The following ZNF440 variants were observed in gnomAD, a reference collection of about 807,000 sequenced individuals.
ZNF440 encodes the protein zinc finger protein 440.
In ZNF440, 47 loss-of-function variants were observed where a neutral mutation model predicts 49.7. That is an observed-to-expected ratio of 0.95 (90% CI 0.75 to 1.21). The LOEUF is 1.21. Ranked by LOEUF, ZNF440 falls within the 50% of genes most tolerant of loss-of-function variation. The pLI, the probability that ZNF440 is intolerant of heterozygous loss-of-function variation, is 0.00. For synonymous variants in ZNF440, 255 were observed against 237.7 expected, an observed-to-expected ratio of 1.07 and a Z score of -0.67; for missense variants, 703 against 715.0, an observed-to-expected ratio of 0.98 and a Z score of 0.19.
Position 11,814,317 on chromosome 19 carries a change from T to A in ZNF440, c.-131T>A, listed in dbSNP as rs528495361. ...AGTGCTGCGCCGACAGCGGTCAGGA[T>A]CTCGGCTTTCTTGCTTCGAGAGGGA... On this transcript the variant is annotated 5_prime_UTR_variant, in exon 1 of 4. Transcript: ENST00000304060. The A allele has an allele frequency of 1.0e-3, 1,034 of 1,033,214 alleles. 2 individuals are homozygous for A. The highest frequency in any genetic ancestry group is 1.3e-3 in the Non-Finnish European group (983 of 753,154). 64.0% of individuals were successfully genotyped at this position (1,033,214 alleles called of 1,614,324 possible).
intron 1 of ZNF440, among the ~76,000 whole-genome samples, chr19:11,820,374 G>A (rs900576463): frequency 7.9e-5 from 12 of 152,092 alleles, no homozygotes; most frequent in South Asian, 2.1e-4. Context: ...CTGCCACCAC[G>A]CCCGGCTAAT....
rs959960216 is a variant in ZNF440 at position 11,830,618 on chromosome 19, A to G, written c.132A>G (p.Gly44=). The change falls in exon 3 of 4, where the codon GGA becomes GGG. Residue 44 remains glycine (G), a splice_region_variant and synonymous_variant. Transcript: ENST00000304060. The stretch of plus-strand genomic sequence containing the variant: ...ATTTTTTCTGTGTCTGTATTTTAGG[A>G]AAAAGGTGGAAAGACCAGAACATTG... ...LETFRNLTSL[G]KRWKDQNIEY... 2 of 1,612,822 alleles carry G rather than the reference A, an allele frequency of 1.2e-6. No homozygotes were observed. Among genetic ancestry groups the G allele is most frequent in the Non-Finnish European group, 1.7e-6 (2 of 1,179,596 alleles).
rs763396819 is a variant in ZNF440 at position 11,833,208 on chromosome 19, A to G, written c.*244A>G. On this transcript the variant is annotated 3_prime_UTR_variant, in exon 4 of 4. Coordinates refer to ENST00000304060, the MANE Select transcript of ZNF440 (RefSeq NM_152357.3). ...AGATCTGTCAAAAATCTTCGATTTC[A>G]TAAAAGGACACACACTGGAGAGAAA... 58 of 1,064,620 alleles carry G rather than the reference A, an allele frequency of 5.4e-5. No homozygotes were observed. The Middle Eastern group carries it at 7.2e-3, about 132-fold the overall frequency. 65.9% of individuals were successfully genotyped at this position (1,064,620 alleles called of 1,614,324 possible).
Position 11,834,761 on chromosome 19 carries a change from G to A in ZNF440, c.*1797G>A, listed in dbSNP as rs1975998070. The A allele has an allele frequency of 6.6e-6, 1 of 152,228 alleles. No homozygotes were observed. The highest frequency in any genetic ancestry group is 2.4e-5 in the African/African-American group (1 of 41,450). The allele number at this position is 152,228 out of a possible 1,614,324, so 9.4% of individuals were successfully genotyped here. A position where few individuals can be genotyped will look rare whatever the true frequency, so the allele number is the denominator to read the frequency against. ...CTCATATGCCTGGTATGTGACACGT[G>A]TCTCTCCAACAATAAAAGACTTGGC... On this transcript the variant is annotated 3_prime_UTR_variant, in exon 4 of 4. Coordinates refer to ENST00000304060, the MANE Select transcript of ZNF440 (RefSeq NM_152357.3).
rs892055262 is a variant in ZNF440, at chr19:11,833,280, C to A, written c.*316C>A. On this transcript the variant is annotated 3_prime_UTR_variant, in exon 4 of 4. Coordinates refer to ENST00000304060, the MANE Select transcript of ZNF440 (RefSeq NM_152357.3). ...AGAAAAGCATTCCATAATTTCTCTT[C>A]TTTGCAAATACATGAAAGGATGCAC... 2 of 643,980 alleles carry A rather than the reference C, an allele frequency of 3.1e-6. No individual in the cohort carries two copies. The highest frequency in any genetic ancestry group is 1.9e-5 in the South Asian group (1 of 53,522). The allele number at this position is 643,980 out of a possible 1,614,324, so 39.9% of individuals were successfully genotyped here.
intron 1 of ZNF440, among the ~76,000 whole-genome samples, chr19:11,824,626 G>T (rs1975839915): frequency 6.6e-6 from 1 of 150,888 alleles, no homozygotes; most frequent in Non-Finnish European, 1.5e-5. Flanking sequence ...TAGAACAGTG[G>T]TTGTTTCCCC....
intron 1 of ZNF440, among the ~76,000 whole-genome samples, chr19:11,824,182 CAAAAAAAAAA>C (rs200865473): frequency 1.7e-5 from 1 of 60,020 alleles, no homozygotes; most frequent in Non-Finnish European, 3.4e-5. Flanking sequence ...TACCCTGTTT[CAAAAAAAAAA>C]AAAAAAAAAG....
chr19:11,820,140 A>C lies in ZNF440; in HGVS notation c.3+5690A>C, dbSNP rs995065818. 2.0e-5 allele frequency among the ~76,000 whole-genome samples: 3 copies of C among 152,196 alleles called. No individual in the cohort carries two copies. In the East Asian group the frequency reaches 5.8e-4, roughly 29 times the overall value. Reference sequence around the variant, plus strand: ...TTATCTTTCCTAGACACAGTCACCTATCAGGATGTCTTTGGGATGAGGTTC... The same window carrying C: ...TTATCTTTCCTAGACACAGTCACCTCTCAGGATGTCTTTGGGATGAGGTTC... On this transcript the variant is annotated intron_variant, in intron 1 of 3. Coordinates refer to ENST00000304060, the MANE Select transcript of ZNF440 (RefSeq NM_152357.3).
At chr19:11,830,218 T>A in intron 1 of ZNF440, 65 bp from the exon 2 acceptor site, 45 of 1,598,164 alleles carry the variant, frequency 2.8e-5, no homozygotes, top group Non-Finnish European at 3.6e-5. Context: ...TTCTTGGGAA[T>A]AGAGTCTAGG....
intron 1 of ZNF440, among the ~76,000 whole-genome samples, chr19:11,819,476 G>A (rs977572912): frequency 1.3e-5 from 2 of 152,088 alleles, no homozygotes; most frequent in African/African-American, 4.8e-5. Context: ...TGGGCCCACC[G>A]CAGCCTCTGC....
chr19:11,834,129 CTTTT>C lies in ZNF440; in HGVS notation c.*1173_*1176del. The C allele has an allele frequency of 3.8e-6, 1 of 260,476 alleles. No individual in the cohort carries two copies. 16.1% of individuals were successfully genotyped at this position (260,476 alleles called of 1,614,324 possible). ...TTTATCTCAACCTTAATTTTTCTTT[CTTTT>C]TTTTTTTCCCCCAGAAAGAATCTCA... On this transcript the variant is annotated 3_prime_UTR_variant, in exon 4 of 4. Transcript: ENST00000304060.
In ZNF440 at chr19:11,814,310, G is replaced by T; in HGVS notation, c.-138G>T. On this transcript the variant is annotated 5_prime_UTR_variant, in exon 1 of 4. Coordinates refer to ENST00000304060, the MANE Select transcript of ZNF440 (RefSeq NM_152357.3). ...TTCCTTTAGTGCTGCGCCGACAGCG[G>T]TCAGGATCTCGGCTTTCTTGCTTCG... 1 of 944,130 alleles carries T rather than the reference G, an allele frequency of 1.1e-6. No individual in the cohort carries two copies. The highest frequency in any genetic ancestry group is 1.5e-6 in the Non-Finnish European group (1 of 679,346). 58.5% of individuals were successfully genotyped at this position (944,130 alleles called of 1,614,324 possible). A position where few individuals can be genotyped will look rare whatever the true frequency, so the allele number is the denominator to read the frequency against.
intron 1 of ZNF440, among the ~76,000 whole-genome samples, chr19:11,826,726 C>T (rs1448849440): frequency 1.3e-5 from 2 of 148,914 alleles, no homozygotes; most frequent in South Asian, 2.1e-4. Flanking sequence ...TACAATGGTG[C>T]GATCTCAGCT....
At chr19:11,826,032 G>A (rs1413545602) in intron 1 of ZNF440, among the ~76,000 whole-genome samples, 2 of 151,790 alleles carry the variant, frequency 1.3e-5, no homozygotes, top group East Asian at 1.9e-4. Flanking sequence ...GGCTGGTCTC[G>A]AACTCCTGAC....
In ZNF440 at chr19:11,832,960, CATA is replaced by C; in HGVS notation, c.1787_*1del. ...GAATTCATGAAAGGACACAAACACA[CATA>C]ATGCACTCTGTAGAGAGACCTTATA... On this transcript the variant is annotated stop_lost and inframe_deletion, in exon 4 of 4. Transcript: ENST00000304060. The C allele has an allele frequency of 6.2e-7, 1 of 1,608,214 alleles. No homozygotes were observed. Among genetic ancestry groups the C allele is most frequent in the Non-Finnish European group, 8.5e-7 (1 of 1,178,656 alleles).
chr19:11,829,334 TTATATC>T (rs1250167065), intron 1 of ZNF440, among the ~76,000 whole-genome samples: 2 of 150,724 alleles, frequency 1.3e-5, no homozygotes, highest in African/African-American at 4.9e-5. Context: ...TCCTCTCTGC[TTATATC>T]TAGCATGCCT....
Position 11,825,616 on chromosome 19 carries a change from A to C in ZNF440, c.4-4667A>C, listed in dbSNP as rs187305554. Among the ~76,000 whole-genome samples, 854 of 152,168 alleles carry C rather than the reference A, an allele frequency of 5.6e-3. 8 individuals are homozygous for C. Among genetic ancestry groups the C allele is most frequent in the African/African-American group, 0.02 (817 of 41,496 alleles). On this transcript the variant is annotated intron_variant, in intron 1 of 3. Transcript: ENST00000304060. ...GTAAAAATATGCTTTGAAGGTCTCTAAATACCTTTGTTGCTTGACAACTCA... is the reference window on the plus strand; with the variant it reads ...GTAAAAATATGCTTTGAAGGTCTCTCAATACCTTTGTTGCTTGACAACTCA...
rs546590915 is a variant in ZNF440 at position 11,832,341 on chromosome 19, A to G, written c.1165A>G (p.Thr389Ala). 6.2e-7 allele frequency: 1 copy of G among 1,614,128 alleles called. No homozygotes were observed. The highest frequency in any genetic ancestry group is 8.5e-7 in the Non-Finnish European group (1 of 1,180,022). ...HSSSLRYHER[T>A]HTGEKPYECK... is the part of the protein sequence containing the mutation. ...CAGTTCCCTTCGATATCATGAAAGG[A>G]CTCACACTGGAGAGAAACCCTATGA... The change falls in exon 4 of 4, where the codon ACT (threonine) becomes GCT (alanine). Residue 389 changes from threonine to alanine, a missense_variant. Physicochemically the swap from Thr to Ala is moderately conservative, Grantham distance 58 (BLOSUM62 0). Transcript: ENST00000304060.
chr19:11,816,485 C>T (rs1399523937), intron 1 of ZNF440: 5 of 152,130 alleles, frequency 3.3e-5, no homozygotes, highest in Non-Finnish European at 7.3e-5. Context: ...GAATGTGCGT[C>T]AGTTGCTGCA....
Sources: gnomAD v4.1 joint callset for allele counts (sites outside exome capture counted in the v4.1 genomes callset) on GRCh38, gnomAD v4.1.1 for gene constraint, MANE v1.5 for transcripts, NCBI Gene and HGNC (gene_info 2026-07-23, HGNC 2026-07-21) for gene names.